BARX2: variants seen among roughly 807,000 people sequenced by gnomAD.
BARX2 encodes the protein homeobox protein BarH-like 2.
Under a neutral mutation model 25.5 loss-of-function variants are expected in BARX2, and 11 were observed. The ratio of observed to expected loss-of-function variants is 0.43; its 90% CI spans 0.27 to 0.71. BARX2 has a LOEUF of 0.71. Among genes scored for constraint, BARX2 ranks in the 30% least tolerant of loss-of-function variants. The pLI, the probability that BARX2 is intolerant of heterozygous loss-of-function variation, is 0.19. For missense variants in BARX2, 360 were observed against 359.9 expected (o/e 1.00, Z 0.00); for synonymous variants, 137 against 149.5 (o/e 0.92, Z 0.61).
chr11:129,419,437 A>G (rs1861979488), intron 1 of BARX2, among the ~76,000 whole-genome samples: 1 of 152,214 alleles, frequency 6.6e-6, no homozygotes, highest in African/African-American at 2.4e-5. Flanking sequence ...GAACCTTTCT[A>G]TAATATTAAG....
intron 3 of BARX2, among the ~76,000 whole-genome samples, chr11:129,445,155 AGACTT>A (rs1862310187): frequency 1.3e-5 from 2 of 152,206 alleles, no homozygotes; most frequent in African/African-American, 4.8e-5. Context: ...CTAAAGAACT[AGACTT>A]GAGAGTGAGA....
intron 1 of BARX2, among the ~76,000 whole-genome samples, chr11:129,410,305 A>G (rs1239841605): frequency 6.6e-6 from 1 of 152,118 alleles, no homozygotes; most frequent in African/African-American, 2.4e-5. Context: ...TTGTTCTCGA[A>G]TTGTTTCCTT....
At chr11:129,413,605 C>T (rs532012915) in intron 1 of BARX2, among the ~76,000 whole-genome samples, 7 of 151,730 alleles carry the variant, frequency 4.6e-5, no homozygotes, top group African/African-American at 1.2e-4. Context: ...TCTAGGAAAC[C>T]GTAAAGGCCG....
At chr11:129,420,323 A>G (rs1219943416) in intron 1 of BARX2, among the ~76,000 whole-genome samples, 10 of 152,204 alleles carry the variant, frequency 6.6e-5, no homozygotes, top group Admixed American at 4.6e-4. Context: ...GGAGGAAAAT[A>G]AGAACCCGAG....
chr11:129,394,210 G>A (rs955808307), intron 1 of BARX2, among the ~76,000 whole-genome samples: 5 of 152,136 alleles, frequency 3.3e-5, no homozygotes, highest in African/African-American at 1.2e-4. Context: ...CCTCTCTGCT[G>A]TTGTGTGTAC....
chr11:129,399,385 C>G (rs1349686769), intron 1 of BARX2, among the ~76,000 whole-genome samples: 1 of 152,148 alleles, frequency 6.6e-6, no homozygotes, highest in Non-Finnish European at 1.5e-5. Context: ...CTCTACCTCT[C>G]TGTCTCTCTC....
intron 1 of BARX2, among the ~76,000 whole-genome samples, chr11:129,410,932 G>A (rs1468794073): frequency 1.3e-5 from 2 of 152,188 alleles, no homozygotes; most frequent in African/African-American, 4.8e-5. Context: ...ACACGGTGCA[G>A]CCACAGTATA....
intron 1 of BARX2, among the ~76,000 whole-genome samples, chr11:129,421,976 G>A (rs540009543): frequency 2.6e-5 from 4 of 152,094 alleles, no homozygotes; most frequent in African/African-American, 7.2e-5. Context: ...CTCATTCTTA[G>A]AATGTCAGTT....
chr11:129,444,398 G>C (rs3019794), intron 3 of BARX2, among the ~76,000 whole-genome samples: 38,450 of 152,080 alleles, frequency 0.25, 5,526 homozygotes, highest in Non-Finnish European at 0.32. Context: ...AAATGGAGGC[G>C]ACTTGGCTCA....
In BARX2 at chr11:129,390,974, C is replaced by A. The variant is rs970104127; in HGVS notation, c.187+14752C>A. On this transcript the variant is annotated intron_variant, in intron 1 of 3. Transcript: ENST00000281437. This position sits in a 1 kb window ranked among gnomAD's most constrained non-coding sequence, Gnocchi z 4.3. ...GAACTCCTGTCAAAAACCTTTCCTCCAGAGCCTCCACTGCCTCATTCTGTG... is the reference window on the plus strand; with the variant it reads ...GAACTCCTGTCAAAAACCTTTCCTCAAGAGCCTCCACTGCCTCATTCTGTG... Among the ~76,000 whole-genome samples the A allele has an allele frequency of 6.6e-6, 1 of 152,180 alleles. No individual in the cohort carries two copies. The highest frequency in any genetic ancestry group is 1.5e-5 in the Non-Finnish European group (1 of 68,028).
chr11:129,387,046 T>C (rs1861622831), intron 1 of BARX2, among the ~76,000 whole-genome samples: 1 of 152,194 alleles, frequency 6.6e-6, no homozygotes, highest in Admixed American at 6.5e-5. Flanking sequence ...ATCAGTTTCA[T>C]TACCAGGGTT....
chr11:129,422,139 C>G (rs1591440297), intron 1 of BARX2, among the ~76,000 whole-genome samples: 1 of 152,028 alleles, frequency 6.6e-6, no homozygotes, highest in African/African-American at 2.4e-5. Flanking sequence ...TCATCTTTCC[C>G]AAGTGCTAGC....
At chr11:129,443,917 C>T (rs1862292935) in intron 3 of BARX2, among the ~76,000 whole-genome samples, 1 of 152,062 alleles carries the variant, frequency 6.6e-6, no homozygotes, top group African/African-American at 2.4e-5. Context: ...TGCCACCTGC[C>T]ATAGGCTTCT....
chr11:129,419,398 T>C (rs1208887774), intron 1 of BARX2, among the ~76,000 whole-genome samples: 1 of 152,240 alleles, frequency 6.6e-6, no homozygotes, highest in Admixed American at 6.5e-5. Flanking sequence ...GTTTCTTATA[T>C]TGGTTTCACT....
chr11:129,375,981 C>G lies in BARX2; in HGVS notation c.-55C>G. On this transcript the variant is annotated 5_prime_UTR_variant, in exon 1 of 4. Transcript: ENST00000281437. The surrounding 1 kb of genome is among the most constrained non-coding windows in gnomAD (Gnocchi z 4.0). ...CGTCGCGCCAGCCCCGCGGCCCCAGCGGGCCGGGCACTCGCAGCCGCGCTC... is the reference window on the plus strand; with the variant it reads ...CGTCGCGCCAGCCCCGCGGCCCCAGGGGGCCGGGCACTCGCAGCCGCGCTC... The G allele has an allele frequency of 9.1e-7, 1 of 1,095,654 alleles. No homozygotes were observed. The allele number at this position is 1,095,654 out of a possible 1,614,324, so 67.9% of individuals were successfully genotyped here. A position where few individuals can be genotyped will look rare whatever the true frequency, so the allele number is the denominator to read the frequency against.
chr11:129,435,731 T>G (rs1018978784), intron 1 of BARX2, among the ~76,000 whole-genome samples: 3 of 152,200 alleles, frequency 2.0e-5, no homozygotes, highest in Admixed American at 2.0e-4. Context: ...AACTGAGAGA[T>G]AAAATGATTC....
At chr11:129,378,567 T>TC (rs1191522065) in intron 1 of BARX2, among the ~76,000 whole-genome samples, 50 of 144,184 alleles carry the variant, frequency 3.5e-4, no homozygotes, top group Non-Finnish European at 2.3e-4. Context: ...CTTTTTCTTT[T>TC]TTTTTTTTTT....
At chr11:129,450,132 A>G (rs1862378746) in intron 3 of BARX2, among the ~76,000 whole-genome samples, 1 of 152,220 alleles carries the variant, frequency 6.6e-6, no homozygotes, top group Admixed American at 6.5e-5. Context: ...CTTCCCAAAG[A>G]CAAAGATGAT....
intron 1 of BARX2, among the ~76,000 whole-genome samples, chr11:129,381,998 T>C (rs139111071): frequency 6.1e-4 from 93 of 152,204 alleles, no homozygotes; most frequent in African/African-American, 2.1e-3. Context: ...CTCTTCAAGG[T>C]TGAGATCCAG....
Sources: allele counts gnomAD v4.1 joint callset (sites outside exome capture counted in the v4.1 genomes callset), GRCh38; gene constraint gnomAD v4.1.1; non-coding constraint Gnocchi (gnomAD v3.1); transcripts MANE v1.5; gene names NCBI Gene and HGNC (gene_info 2026-07-23, HGNC 2026-07-21).